Variants in THSD7B observed in about 807,000 individuals in gnomAD.
THSD7B encodes the protein thrombospondin type-1 domain-containing protein 7B.
A neutral mutation model predicts 213.6 loss-of-function variants in THSD7B; 138 were observed. The ratio of observed to expected loss-of-function variants is 0.65; its 90% CI spans 0.56 to 0.74. The LOEUF (loss-of-function observed/expected upper bound fraction) is 0.74, where lower values mean the gene tolerates loss of function less well. THSD7B is among the 30% of genes least tolerant of loss of function. The pLI is 0.00. For synonymous variants in THSD7B, 742 were observed against 687.0 expected (o/e 1.08, Z -1.25); for missense variants, 1,931 against 1,991.5 (o/e 0.97, Z 0.58).
intron 2 of THSD7B, among the ~76,000 whole-genome samples, chr2:137,014,964 C>G (rs187626576): frequency 1.3e-5 from 2 of 152,250 alleles, no homozygotes; most frequent in Admixed American, 1.3e-4. Context: ...TACCTCTGGT[C>G]TCAGCTTTCT....
chr2:137,624,620 T>G (rs1682588075), intron 20 of THSD7B, among the ~76,000 whole-genome samples: 1 of 132,812 alleles, frequency 7.5e-6, no homozygotes, highest in Non-Finnish European at 1.6e-5. Context: ...CTTAAACAAA[T>G]TTACAAGAAA....
At chr2:137,090,781 A>G (rs1470349114) in intron 3 of THSD7B, among the ~76,000 whole-genome samples, 1 of 152,186 alleles carries the variant, frequency 6.6e-6, no homozygotes, top group East Asian at 1.9e-4. Flanking sequence ...TTTAGTTTGT[A>G]AGGTCATTCC....
chr2:137,675,460 G>A (rs1369556965), intron 27 of THSD7B, among the ~76,000 whole-genome samples: 8 of 141,048 alleles, frequency 5.7e-5, no homozygotes, highest in Non-Finnish European at 1.2e-4. Flanking sequence ...GGACAGTGTG[G>A]TGAAAAGGTT....
intron 1 of THSD7B, among the ~76,000 whole-genome samples, chr2:136,798,538 C>A: frequency 6.6e-6 from 1 of 151,884 alleles, no homozygotes; most frequent in East Asian, 1.9e-4. Context: ...TGGTTAGTAC[C>A]CCTATCTGCT....
chr2:137,056,476 G>T lies in THSD7B; in HGVS notation c.196G>T (p.Val66Leu). The T allele has an allele frequency of 3.7e-6, 6 of 1,614,022 alleles. No individual in the cohort carries two copies. Among genetic ancestry groups the T allele is most frequent in the Non-Finnish European group, 4.2e-6 (5 of 1,179,886 alleles). Residue 66 changes from valine (V) to leucine (L), a missense_variant, in exon 3 of 28, where the codon GTG (valine) becomes TTG (leucine). Physicochemically the swap from Val to Leu is conservative, Grantham distance 32 (BLOSUM62 1). Coordinates refer to ENST00000409968, the MANE Select transcript of THSD7B (RefSeq NM_001316349.2). ...TCCCGGAGGAGTCCAGAGTCGGGCA[G>T]TGTGGTGTTTTCATGTTGACGGGTG... is the stretch of plus-strand genomic sequence containing the variant. ...CGPGGVQSRA[V>L]WCFHVDGWTS...
intron 7 of THSD7B, among the ~76,000 whole-genome samples, chr2:137,201,005 T>A (rs1463231597): frequency 6.6e-6 from 1 of 152,188 alleles, no homozygotes; most frequent in Non-Finnish European, 1.5e-5. Context: ...ATAGTCTGAT[T>A]TTGCCTGTTT....
chr2:136,896,451 T>C (rs1423345857), intron 2 of THSD7B, among the ~76,000 whole-genome samples: 2 of 152,204 alleles, frequency 1.3e-5, no homozygotes. Flanking sequence ...ATGCAAATCC[T>C]TTATTGGATG....
chr2:137,651,081 C>T (rs1196696560), intron 21 of THSD7B, among the ~76,000 whole-genome samples: 1 of 152,100 alleles, frequency 6.6e-6, no homozygotes, highest in Non-Finnish European at 1.5e-5. Context: ...GGAAAGCTGG[C>T]TTCATGGAAT....
chr2:137,153,866 G>T (rs537871203), intron 5 of THSD7B, among the ~76,000 whole-genome samples: 1 of 152,138 alleles, frequency 6.6e-6, no homozygotes, highest in East Asian at 1.9e-4. Context: ...ACATAAGTAG[G>T]CTCTTTCATT....
chr2:137,129,786 C>G (rs887606716), intron 5 of THSD7B, among the ~76,000 whole-genome samples: 15 of 152,110 alleles, frequency 9.9e-5, no homozygotes, highest in Non-Finnish European at 2.1e-4. Context: ...TTCTTAATAC[C>G]ATTTATGATT....
chr2:137,473,533 C>T (rs893107880), intron 15 of THSD7B, among the ~76,000 whole-genome samples: 1 of 152,180 alleles, frequency 6.6e-6, no homozygotes, highest in Non-Finnish European at 1.5e-5. Flanking sequence ...GCAACTCAAT[C>T]ACACAAGTCC....
intron 2 of THSD7B, among the ~76,000 whole-genome samples, chr2:136,944,022 G>A (rs1487982128): frequency 6.6e-6 from 1 of 152,090 alleles, no homozygotes; most frequent in Non-Finnish European, 1.5e-5. Flanking sequence ...GGCATCTAGT[G>A]CTATACATTT....
chr2:137,555,447 C>A (rs897534085), intron 15 of THSD7B, among the ~76,000 whole-genome samples: 2 of 152,182 alleles, frequency 1.3e-5, no homozygotes, highest in Non-Finnish European at 2.9e-5. Flanking sequence ...TGGAGTGGAC[C>A]TCCAGCAAAC....
chr2:137,158,822 T>C (rs547544066), intron 5 of THSD7B, among the ~76,000 whole-genome samples: 2 of 152,322 alleles, frequency 1.3e-5, no homozygotes, highest in East Asian at 1.9e-4. Context: ...TACTGCAGTG[T>C]CCACCTTGGA....
At chr2:137,221,444 T>C (rs972989982) in intron 7 of THSD7B, among the ~76,000 whole-genome samples, 1 of 152,142 alleles carries the variant, frequency 6.6e-6, no homozygotes, top group Admixed American at 6.5e-5. Flanking sequence ...CCAGAACCCA[T>C]AGAACTATAC....
In THSD7B at chr2:136,977,811, T is replaced by TTTTG. The variant is rs1558874176; in HGVS notation, c.140-78606_140-78605insGTTT. The stretch of plus-strand genomic sequence containing the variant: ...TTTTTTCTTTTCTTTGTTTTTTTTT[T>TTTTG]TTTTTTTTTTTAAACGGAGTCTTGC... On this transcript the variant is annotated intron_variant, in intron 2 of 27. Coordinates refer to ENST00000409968, the MANE Select transcript of THSD7B (RefSeq NM_001316349.2). Among the ~76,000 whole-genome samples the TTTTG allele has an allele frequency of 2.7e-5, 4 of 150,538 alleles. 1 individual carries two copies.
chr2:137,322,721 C>G (rs1220930405), intron 12 of THSD7B, among the ~76,000 whole-genome samples: 1 of 152,152 alleles, frequency 6.6e-6, no homozygotes, highest in Non-Finnish European at 1.5e-5. Flanking sequence ...CATTTGTTAA[C>G]CATGCATTAG....
At chr2:137,187,652 C>T (rs1680576315) in intron 7 of THSD7B, among the ~76,000 whole-genome samples, 1 of 152,028 alleles carries the variant, frequency 6.6e-6, no homozygotes, top group African/African-American at 2.4e-5. Flanking sequence ...CTACCACTAC[C>T]CCAGAAAGCC....
chr2:136,955,165 C>G (rs1685104243), intron 2 of THSD7B, among the ~76,000 whole-genome samples: 1 of 152,102 alleles, frequency 6.6e-6, no homozygotes, highest in Non-Finnish European at 1.5e-5. Context: ...GGGAACTCTG[C>G]TTTTGTTTGA....
Sources: gnomAD v4.1 joint callset for allele counts (sites outside exome capture counted in the v4.1 genomes callset) on GRCh38, gnomAD v4.1.1 for gene constraint, MANE v1.5 for transcripts, NCBI Gene and HGNC (gene_info 2026-07-23, HGNC 2026-07-21) for gene names.